The following NRXN1 variants were observed in gnomAD, a reference collection of about 807,000 sequenced individuals.
NRXN1 encodes the protein neurexin-1.
NRXN1 carries 39 observed loss-of-function variants against 150.9 expected under a neutral mutation model. The observed-to-expected ratio is 0.26, with a 90% confidence interval of 0.20 to 0.34. NRXN1 has a LOEUF of 0.34. NRXN1 is among the 10% of genes least tolerant of loss of function. The pLI is 1.00. For synonymous variants in NRXN1, 924 were observed against 757.0 expected, an observed-to-expected ratio of 1.22 and a Z score of -3.62; for missense variants, 1,815 against 1,949.9, an observed-to-expected ratio of 0.93 and a Z score of 1.30.
chr2:50,790,813 C>A (rs1705833865), intron 5 of NRXN1, among the ~76,000 whole-genome samples: 1 of 152,090 alleles, frequency 6.6e-6, no homozygotes, highest in South Asian at 2.1e-4. Context: ...GGGTTTTCTT[C>A]CCCCTAAAGA....
intron 19 of NRXN1, among the ~76,000 whole-genome samples, chr2:50,087,050 T>C (rs1698893293): frequency 6.6e-6 from 1 of 152,176 alleles, no homozygotes; most frequent in Admixed American, 6.5e-5. Context: ...GAATGCATGC[T>C]TGAAAAGACC....
intron 5 of NRXN1, among the ~76,000 whole-genome samples, chr2:50,785,794 C>T (rs747515265): frequency 2.6e-5 from 4 of 152,042 alleles, no homozygotes; most frequent in African/African-American, 4.8e-5. Flanking sequence ...GAAGGGAGTT[C>T]TAAAGCATGT....
chr2:50,139,233 G>A (rs750790215), intron 18 of NRXN1, among the ~76,000 whole-genome samples: 3 of 151,394 alleles, frequency 2.0e-5, no homozygotes, highest in South Asian at 2.1e-4. Flanking sequence ...GGCCGAGACA[G>A]GAGAGTTGCT....
rs1303388955 is a variant in NRXN1 at position 51,027,839 on chromosome 2, C to A, written c.435G>T (p.Arg145Ser). The A allele has an allele frequency of 9.3e-6, 15 of 1,613,288 alleles. No individual in the cohort carries two copies. The highest frequency in any genetic ancestry group is 1.7e-5 in the Admixed American group (1 of 60,008). ...AKWVEVKSKR[R>S]DMTVFSGLFV... ...AAAGGCCGCTGAACACCGTCATGTC[C>A]CTGCGCTTGGACTTGACCTCCACCC... The change falls in exon 2 of 23, where the codon AGG becomes AGT. Residue 145 changes from arginine to serine, a missense_variant. Physicochemically the swap from Arg to Ser is moderately radical, Grantham distance 110. This residue lies in a region of NRXN1 where 554 missense variants were observed against 478.8 expected (regional missense o/e 1.16). Transcript: ENST00000401669.
chr2:50,653,736 GC>G (rs1422753404), intron 5 of NRXN1, among the ~76,000 whole-genome samples: 1 of 151,926 alleles, frequency 6.6e-6, no homozygotes, highest in African/African-American at 2.4e-5. Flanking sequence ...TAAATATATT[GC>G]TTTTACATAA....
intron 17 of NRXN1, among the ~76,000 whole-genome samples, chr2:50,355,264 T>C (rs1324298036): frequency 7.6e-6 from 1 of 130,852 alleles, no homozygotes; most frequent in Non-Finnish European, 1.5e-5. Flanking sequence ...TACATATATA[T>C]ACACATATAT....
At chr2:50,030,018 G>A (rs999756796) in intron 21 of NRXN1, among the ~76,000 whole-genome samples, 3 of 152,128 alleles carry the variant, frequency 2.0e-5, no homozygotes, top group African/African-American at 7.2e-5. Context: ...ATGCAAGCAG[G>A]CATTTAAAAT....
intron 19 of NRXN1, among the ~76,000 whole-genome samples, chr2:50,071,005 A>G (rs1380481719): frequency 6.6e-6 from 1 of 152,224 alleles, no homozygotes; most frequent in Non-Finnish European, 1.5e-5. Context: ...GAATGAAGAC[A>G]AGATAAAAAC....
At chr2:50,015,969 A>G (rs1171573605) in intron 21 of NRXN1, among the ~76,000 whole-genome samples, 1 of 152,226 alleles carries the variant, frequency 6.6e-6, no homozygotes, top group Non-Finnish European at 1.5e-5. Flanking sequence ...CAGTAAACTT[A>G]CACGGGCTAA....
intron 5 of NRXN1, chr2:50,918,808 C>T (rs1210170427): frequency 7.6e-6 from 2 of 264,152 alleles, no homozygotes; most frequent in African/African-American, 2.2e-5. Context: ...TATCAATGAT[C>T]CTAACAACAA....
chr2:51,031,431 G>T (rs1381760330), intron 1 of NRXN1, among the ~76,000 whole-genome samples: 2 of 151,874 alleles, frequency 1.3e-5, no homozygotes, highest in Non-Finnish European at 2.9e-5. Context: ...ACCTTTCCAT[G>T]CACCCTTCAA....
chr2:50,547,020 T>C (rs1355466622), intron 9 of NRXN1, among the ~76,000 whole-genome samples: 2 of 148,906 alleles, frequency 1.3e-5, no homozygotes, highest in Admixed American at 6.7e-5. Context: ...GTGCTGGTAA[T>C]AGATAGCTAG....
At chr2:50,622,537 TA>T (rs1443171090) in intron 6 of NRXN1, among the ~76,000 whole-genome samples, 1 of 152,190 alleles carries the variant, frequency 6.6e-6, no homozygotes, top group Non-Finnish European at 1.5e-5. Context: ...ATGTTCAATA[TA>T]AAAGGACAAT....
At chr2:50,194,778 T>C (rs2061654969) in intron 18 of NRXN1, among the ~76,000 whole-genome samples, 1 of 152,202 alleles carries the variant, frequency 6.6e-6, no homozygotes, top group Non-Finnish European at 1.5e-5. Context: ...ATTCACTTAA[T>C]GATGACTGTC....
At chr2:50,094,349 C>G (rs188424748) in intron 18 of NRXN1, among the ~76,000 whole-genome samples, 24 of 152,216 alleles carry the variant, frequency 1.6e-4, no homozygotes, top group Non-Finnish European at 2.6e-4. Flanking sequence ...AGGAGACTGA[C>G]AATTAGAAGA....
intron 22 of NRXN1, among the ~76,000 whole-genome samples, chr2:49,933,385 CT>C (rs1476958104): frequency 2.6e-5 from 4 of 152,132 alleles, no homozygotes; most frequent in African/African-American, 9.7e-5. Context: ...TGCACCCGGG[CT>C]TTAGGTATAT....
At chr2:50,053,650 G>C (rs573384310) in intron 20 of NRXN1, 60 bp from the exon 21 acceptor site, 1 of 1,527,706 alleles carries the variant, frequency 6.5e-7, no homozygotes, top group African/African-American at 1.4e-5. Context: ...TATCTACAAT[G>C]GATGATAAAA....
At chr2:50,247,180 T>C (rs2066578747) in intron 17 of NRXN1, among the ~76,000 whole-genome samples, 1 of 152,078 alleles carries the variant, frequency 6.6e-6, no homozygotes, top group African/African-American at 2.4e-5. Context: ...TTGCCTAAAT[T>C]ATTCTGATAA....
intron 2 of NRXN1, among the ~76,000 whole-genome samples, chr2:50,954,459 G>T (rs929453532): frequency 7.9e-5 from 12 of 152,070 alleles, no homozygotes; most frequent in African/African-American, 2.9e-4. Context: ...AACCCAGAGC[G>T]GGTTCAGCCA....
Sources: gnomAD v4.1 joint callset for allele counts (sites outside exome capture counted in the v4.1 genomes callset) on GRCh38, gnomAD v4.1.1 for gene constraint, gnomAD v4.1.1 regional missense constraint, MANE v1.5 for transcripts, NCBI Gene and HGNC (gene_info 2026-07-23, HGNC 2026-07-21) for gene names.